EIF4A1: variants seen among roughly 807,000 people sequenced by gnomAD.
EIF4A1 encodes eukaryotic translation initiation factor 4A1, also known as eukaryotic initiation factor 4A-I.
A neutral mutation model predicts 53.5 loss-of-function variants in EIF4A1; 11 were observed. That is an observed-to-expected ratio of 0.21 (90% CI 0.13 to 0.34). EIF4A1 has a LOEUF of 0.34. Ranked by LOEUF, EIF4A1 falls within the 10% of genes least tolerant of loss-of-function variation. The probability of loss-of-function intolerance (pLI) is 1.00; values close to 1 mark genes in which losing one functional copy is unlikely to be tolerated. For missense variants in EIF4A1, 213 were observed against 530.8 expected (o/e 0.40, Z 5.88); for synonymous variants, 237 against 186.7 (o/e 1.27, Z -2.20).
intron 4 of EIF4A1, 179 bp downstream of exon 4, chr17:7,575,437 C>A: frequency 1.0e-6 from 1 of 971,394 alleles, no homozygotes. Flanking sequence ...CCATTGCTTC[C>A]TCCACCCATT....
chr17:7,575,304 A>C, intron 4 of EIF4A1, 46 bp downstream of exon 4: 5 of 1,611,802 alleles, frequency 3.1e-6, no homozygotes, highest in South Asian at 1.1e-5. Flanking sequence ...TTTAGGGATG[A>C]TGAGTATAAT....
In EIF4A1 at chr17:7,578,676, T is replaced by G; in HGVS notation, c.*190T>G. On this transcript the variant is annotated 3_prime_UTR_variant, in exon 11 of 11. Transcript: ENST00000293831. ...CACCCTTTTCTTTGGGGTAGGCTCT[T>G]GCCCCAGGCGCCGGCTCTTCTCCCA... 1 of 530,274 alleles carries G rather than the reference T, an allele frequency of 1.9e-6. No individual in the cohort carries two copies. Among genetic ancestry groups the G allele is most frequent in the African/African-American group, 2.0e-5 (1 of 50,558 alleles). 32.8% of individuals were successfully genotyped at this position (530,274 alleles called of 1,614,324 possible).
chr17:7,574,426 G>A (rs2071372441), intron 2 of EIF4A1, 118 bp downstream of exon 2: 24 of 1,603,908 alleles, frequency 1.5e-5, no homozygotes, highest in Middle Eastern at 3.3e-4. Context: ...TTCCCTAAAG[G>A]GAGGAGGGTT....
chr17:7,578,024 T>A (rs1012872564), intron 9 of EIF4A1, 108 bp downstream of exon 9: 1 of 1,571,288 alleles, frequency 6.4e-7, no homozygotes, highest in African/African-American at 1.4e-5. Flanking sequence ...GAATAGAATC[T>A]GGCATGCCTA....
At chr17:7,573,061 G>T (rs1024871650) in intron 1 of EIF4A1, among the ~76,000 whole-genome samples, 197 bp downstream of exon 1, 3 of 152,158 alleles carry the variant, frequency 2.0e-5, no homozygotes, top group Admixed American at 6.5e-5. Flanking sequence ...GGTAGGGACA[G>T]CCCGGCTAGG....
intron 3 of EIF4A1, 26 bp from the exon 4 acceptor site, chr17:7,575,092 CA>C: frequency 1.2e-6 from 2 of 1,611,028 alleles, no homozygotes; most frequent in African/African-American, 2.7e-5. Flanking sequence ...CTCTTTACCA[CA>C]TTCAACTCCT....
intron 2 of EIF4A1, 59 bp from the exon 3 acceptor site, chr17:7,574,487 A>G (rs989860283): frequency 1.2e-6 from 2 of 1,607,432 alleles, no homozygotes; most frequent in African/African-American, 1.3e-5. Context: ...TTGCTCGGAG[A>G]CTACAGCTCA....
intron 5 of EIF4A1, 74 bp downstream of exon 5, chr17:7,576,766 C>T (rs375793164): frequency 6.4e-6 from 10 of 1,556,796 alleles, no homozygotes; most frequent in Middle Eastern, 1.7e-4. Flanking sequence ...CAGCGTAAGC[C>T]AGAGTCATTC....
chr17:7,573,103 G>A (rs2071346266), intron 1 of EIF4A1: 7 of 636,544 alleles, frequency 1.1e-5, no homozygotes, highest in African/African-American at 1.8e-5. Flanking sequence ...ACGAGGCCTC[G>A]ACCCGAGGCG....
chr17:7,572,986 G>A (rs2071343945), intron 1 of EIF4A1, 122 bp downstream of exon 1: 1 of 1,577,534 alleles, frequency 6.3e-7, no homozygotes. Context: ...GGTGGGGGGA[G>A]GGTCCGACTT....
chr17:7,577,108 C>T lies in EIF4A1; in HGVS notation c.567C>T (p.Ser189=), dbSNP rs767840551. 1 of 1,612,020 alleles carries T rather than the reference C, an allele frequency of 6.2e-7. No individual in the cohort carries two copies. Among genetic ancestry groups the T allele is most frequent in the Admixed American group, 1.7e-5 (1 of 59,544 alleles). Residue 189 remains serine, a synonymous_variant, in exon 6 of 11, where the codon AGC becomes AGT. Coordinates refer to ENST00000293831, the MANE Select transcript of EIF4A1 (RefSeq NM_001416.4). The surrounding 1 kb of genome is among the most constrained non-coding windows in gnomAD (Gnocchi z 4.7). ...FVLDEADEML[S]RGFKDQIYDI... ...TGGATGAAGCTGACGAAATGTTAAG[C>T]CGTGGATTCAAGGACCAGATCTATG...
At chr17:7,575,734 C>A in intron 4 of EIF4A1, 1 of 281,950 alleles carries the variant, frequency 3.5e-6, no homozygotes, top group Non-Finnish European at 7.0e-6. Flanking sequence ...AGTGATTATT[C>A]TGGGTGTGGA....
intron 1 of EIF4A1, chr17:7,573,220 G>C: frequency 2.3e-6 from 1 of 440,132 alleles, no homozygotes. Flanking sequence ...GAGCCGGCAG[G>C]TCCGGTTGCC....
intron 4 of EIF4A1, 73 bp downstream of exon 4, chr17:7,575,331 T>G: frequency 6.3e-7 from 1 of 1,594,750 alleles, no homozygotes; most frequent in Non-Finnish European, 8.6e-7. Flanking sequence ...ACCAGAGAAG[T>G]CTTCTCTGAT....
intron 1 of EIF4A1, chr17:7,573,998 G>T: frequency 2.0e-6 from 1 of 504,904 alleles, no homozygotes; most frequent in Non-Finnish European, 3.5e-6. Context: ...CGTGAGCGCG[G>T]CGGCACGCCT....
Position 7,574,531 on chromosome 17 carries a change from C to T in EIF4A1, c.73-15C>T. The T allele has an allele frequency of 5.6e-6, 9 of 1,612,846 alleles. No individual in the cohort carries two copies. Among genetic ancestry groups the T allele is most frequent in the Non-Finnish European group, 7.6e-6 (9 of 1,179,804 alleles). ...TTTTCCATGACTCAAGCTTTAATTT[C>T]TTTGCATCCCCTAGAGTAACTGGAA... is the stretch of plus-strand genomic sequence containing the variant. On this transcript the variant is annotated splice_polypyrimidine_tract_variant and intron_variant, in intron 2 of 10. Coordinates refer to ENST00000293831, the MANE Select transcript of EIF4A1 (RefSeq NM_001416.4).
intron 4 of EIF4A1, 124 bp downstream of exon 4, chr17:7,575,382 G>C: frequency 7.4e-7 from 1 of 1,349,226 alleles, no homozygotes; most frequent in Non-Finnish European, 1.0e-6. Flanking sequence ...TAACACTCTC[G>C]AGACCTGCTG....
Position 7,578,705 on chromosome 17 carries a change from A to AC in EIF4A1, c.*219_*220insC. 2.5e-6 allele frequency: 1 copy of AC among 400,534 alleles called. No individual in the cohort carries two copies. Among genetic ancestry groups the AC allele is most frequent in the Non-Finnish European group, 4.3e-6 (1 of 232,584 alleles). 24.8% of individuals were successfully genotyped at this position (400,534 alleles called of 1,614,324 possible). A position where few individuals can be genotyped will look rare whatever the true frequency, so the allele number is the denominator to read the frequency against. On this transcript the variant is annotated 3_prime_UTR_variant, in exon 11 of 11. Transcript: ENST00000293831. ...CCAGGCGCCGGCTCTTCTCCCAAAA[A>AC]AAAAAAAAAAACACTAATCCATTTC... is the stretch of plus-strand genomic sequence containing the variant.
chr17:7,574,267 G>A lies in EIF4A1; in HGVS notation c.31G>A (p.Asp11Asn). ...TATGCTTTAAACCAACAGATCCAGA[G>A]ACAATGGCCCCGATGGGATGGAGCC... The part of the protein sequence containing the change: MSASQDSRSR[D>N]NGPDGMEPEG... Residue 11 changes from aspartate to asparagine, a missense_variant, in exon 2 of 11, where the codon GAC becomes AAC. Physicochemically the swap from Asp to Asn is conservative, Grantham distance 23. Coordinates refer to ENST00000293831, the MANE Select transcript of EIF4A1 (RefSeq NM_001416.4). 1 of 1,614,210 alleles carries A rather than the reference G, an allele frequency of 6.2e-7. No homozygotes were observed. The highest frequency in any genetic ancestry group is 1.1e-5 in the South Asian group (1 of 91,090).
Sources: allele counts gnomAD v4.1 joint callset (sites outside exome capture counted in the v4.1 genomes callset), GRCh38; gene constraint gnomAD v4.1.1; non-coding constraint Gnocchi (gnomAD v3.1); transcripts MANE v1.5; gene names NCBI Gene and HGNC (gene_info 2026-07-23, HGNC 2026-07-21).